Variants in RIC1 observed in about 807,000 individuals in gnomAD.
RIC1 encodes guanine nucleotide exchange factor subunit RIC1.
A neutral mutation model predicts 169.0 loss-of-function variants in RIC1; 88 were observed. That is an observed-to-expected ratio of 0.52 (90% confidence interval 0.44 to 0.62). RIC1 has a LOEUF of 0.62. RIC1 is among the 20% of genes least tolerant of loss of function. RIC1 has a pLI of 0.00. For missense variants in RIC1, 1,877 were observed against 1,725.5 expected (o/e 1.09, Z -1.56); for synonymous variants, 790 against 601.5 (o/e 1.31, Z -4.59).
chr9:5,662,071 C>T (rs1044116865), intron 2 of RIC1, among the ~76,000 whole-genome samples: 34 of 152,032 alleles, frequency 2.2e-4, no homozygotes, highest in Admixed American at 7.9e-4. Flanking sequence ...AGACCTTTTC[C>T]GCATCTATTG....
In RIC1 at chr9:5,773,093, T is replaced by G; in HGVS notation, c.3983+13T>G. 1 of 1,557,454 alleles carries G rather than the reference T, an allele frequency of 6.4e-7. No homozygotes were observed. The highest frequency in any genetic ancestry group is 1.9e-5 in the Admixed American group (1 of 53,400). ...CCTCTACAGACTGGTAAGTGCTGCT[T>G]TCCTTAGGCTTGGTGTCCTTCCATG... On this transcript the variant is annotated intron_variant, in intron 25 of 25. Coordinates refer to ENST00000414202, the MANE Select transcript of RIC1 (RefSeq NM_020829.4).
intron 6 of RIC1, among the ~76,000 whole-genome samples, chr9:5,730,757 A>C (rs1471426634): frequency 6.6e-6 from 1 of 152,152 alleles, no homozygotes; most frequent in Non-Finnish European, 1.5e-5. Context: ...TCTTTATTAT[A>C]ATTCATGACA....
intron 1 of RIC1, among the ~76,000 whole-genome samples, chr9:5,640,534 A>G (rs539688579): frequency 4.1e-4 from 62 of 152,220 alleles, no homozygotes; most frequent in Non-Finnish European, 7.5e-4. Context: ...ACTTAAGAGT[A>G]GTTTACACAC....
At chr9:5,757,204 A>G in intron 16 of RIC1, 109 bp from the exon 17 acceptor site, 1 of 1,260,872 alleles carries the variant, frequency 7.9e-7, no homozygotes. Flanking sequence ...AGGTAGTAAG[A>G]CATCTGAGTC....
chr9:5,715,165 A>G (rs1316819135), intron 4 of RIC1, among the ~76,000 whole-genome samples: 14 of 152,214 alleles, frequency 9.2e-5, no homozygotes, highest in Admixed American at 8.5e-4. Flanking sequence ...AAGGTTATTC[A>G]TCACTTCACA....
chr9:5,777,792 T>C (rs73639509), downstream of RIC1, among the ~76,000 whole-genome samples: 1,064 of 152,310 alleles, frequency 7.0e-3, 16 homozygotes, highest in African/African-American at 0.024. Context: ...AGGTATGGGT[T>C]TATTTATAGA....
intron 2 of RIC1, among the ~76,000 whole-genome samples, chr9:5,660,214 C>T (rs2130481346): frequency 6.6e-6 from 1 of 152,294 alleles, no homozygotes; most frequent in East Asian, 1.9e-4. Flanking sequence ...CATAGTATTC[C>T]ATCGTGTATA....
chr9:5,683,853 C>A (rs560052215), intron 2 of RIC1, among the ~76,000 whole-genome samples: 1 of 152,308 alleles, frequency 6.6e-6, no homozygotes, highest in East Asian at 1.9e-4. Context: ...GGCGGGCGCC[C>A]CTCCCCCAGC....
chr9:5,650,046 G>T (rs1460124347), intron 1 of RIC1, among the ~76,000 whole-genome samples: 1 of 152,170 alleles, frequency 6.6e-6, no homozygotes, highest in Admixed American at 6.5e-5. Flanking sequence ...ATGCTAGGTA[G>T]GCCAGTCCTT....
chr9:5,693,177 T>C (rs915131250), intron 3 of RIC1, among the ~76,000 whole-genome samples: 2 of 152,128 alleles, frequency 1.3e-5, no homozygotes. Flanking sequence ...AGGCCAGTGG[T>C]TAATCATCCT....
At chr9:5,765,238 C>A in intron 19 of RIC1, 176 bp from the exon 20 acceptor site, 1 of 616,066 alleles carries the variant, frequency 1.6e-6, no homozygotes, top group South Asian at 2.2e-5. Flanking sequence ...TTTACATACA[C>A]CAGAAGAGTA....
At chr9:5,770,423 G>C in intron 23 of RIC1, 145 bp downstream of exon 23, 1 of 695,176 alleles carries the variant, frequency 1.4e-6, no homozygotes, top group South Asian at 2.3e-5. Context: ...AAAGTTTGTA[G>C]AACAAGGCCA....
At chr9:5,758,722 C>CTTTTTTTTTTTTTTTTTTTTTTTCTTTT (rs754931692) in intron 17 of RIC1, among the ~76,000 whole-genome samples, 6 of 98,426 alleles carry the variant, frequency 6.1e-5, no homozygotes, top group African/African-American at 2.0e-4. Flanking sequence ...GGTCTCCCTT[C>CTTTTTTTTTTTTTTTTTTTTTTTCTTTT]TTTTTTTTTT....
At chr9:5,699,522 G>A (rs149099665) in intron 3 of RIC1, among the ~76,000 whole-genome samples, 1,536 of 145,492 alleles carry the variant, frequency 0.011, 8 homozygotes, top group Middle Eastern at 0.025. Flanking sequence ...AAAACTGTTT[G>A]TATATTGCAT....
Position 5,769,618 on chromosome 9 carries a change from A to AG in RIC1, c.3424+366dup, listed in dbSNP as rs761632844. 141 of 452,634 alleles carry AG rather than the reference A, an allele frequency of 3.1e-4. 1 individual carries two copies. Among genetic ancestry groups the AG allele is most frequent in the Non-Finnish European group, 4.8e-5 (13 of 268,830 alleles). 28.0% of individuals were successfully genotyped at this position (452,634 alleles called of 1,614,324 possible). A position where few individuals can be genotyped will look rare whatever the true frequency, so the allele number is the denominator to read the frequency against. Reference sequence around the variant, plus strand: ...AAAGTAAGCTGACAGAACTCATTCCAGGGGAACAGTAAGGCCACCTTCTAA... The same window carrying AG: ...AAAGTAAGCTGACAGAACTCATTCCAGGGGGAACAGTAAGGCCACCTTCTAA... On this transcript the variant is annotated intron_variant, in intron 22 of 25. Coordinates refer to ENST00000414202, the MANE Select transcript of RIC1 (RefSeq NM_020829.4).
At chr9:5,681,496 T>C (rs926516889) in intron 2 of RIC1, among the ~76,000 whole-genome samples, 1 of 152,250 alleles carries the variant, frequency 6.6e-6, no homozygotes, top group African/African-American at 2.4e-5. Context: ...GATTGCACTA[T>C]GGTCTGACAG....
intron 10 of RIC1, 132 bp from the exon 11 acceptor site, chr9:5,745,799 G>A: frequency 1.4e-6 from 1 of 731,024 alleles, no homozygotes; most frequent in South Asian, 2.1e-5. Flanking sequence ...TGTTATCACG[G>A]TTTCTCCAAC....
intron 6 of RIC1, among the ~76,000 whole-genome samples, chr9:5,726,531 T>C (rs899626197): frequency 6.6e-6 from 1 of 152,256 alleles, no homozygotes; most frequent in African/African-American, 2.4e-5. Context: ...TGTCTTTTAA[T>C]CGGAGCATTT....
intron 17 of RIC1, among the ~76,000 whole-genome samples, chr9:5,758,291 C>G (rs752148152): frequency 6.6e-6 from 1 of 152,172 alleles, no homozygotes; most frequent in Non-Finnish European, 1.5e-5. Context: ...GGTTTCTAAA[C>G]TTCATGTCAA....
Sources: gnomAD v4.1 joint callset for allele counts (sites outside exome capture counted in the v4.1 genomes callset) on GRCh38, gnomAD v4.1.1 for gene constraint, MANE v1.5 for transcripts, NCBI Gene and HGNC (gene_info 2026-07-23, HGNC 2026-07-21) for gene names.